The following EDARADD variants were observed in gnomAD, a reference collection of about 807,000 sequenced individuals.
EDARADD encodes the protein EDAR associated via death domain.
EDARADD carries 20 observed loss-of-function variants against 25.6 expected under a neutral mutation model. The ratio of observed to expected loss-of-function variants is 0.78; its 90% confidence interval spans 0.55 to 1.14. The LOEUF (loss-of-function observed/expected upper bound fraction) is 1.14. Ranked by LOEUF, EDARADD falls within the 50% of genes most tolerant of loss-of-function variation. The pLI is 0.00. For missense variants in EDARADD, 225 were observed against 270.1 expected (o/e 0.83, Z 1.17); for synonymous variants, 86 against 94.4 (o/e 0.91, Z 0.52).
intron 4 of EDARADD, among the ~76,000 whole-genome samples, chr1:236,442,880 C>T (rs569985934): frequency 6.6e-6 from 1 of 152,136 alleles, no homozygotes; most frequent in South Asian, 2.1e-4. Flanking sequence ...GTTTGTCCTC[C>T]CCAAAACTCA....
chr1:236,427,031 G>A (rs111392240), intron 3 of EDARADD, among the ~76,000 whole-genome samples: 2,031 of 152,224 alleles, frequency 0.013, 60 homozygotes, highest in East Asian at 0.12. Flanking sequence ...ACAGGCATGC[G>A]CTACCACTCT....
At chr1:236,397,291 T>A (rs1242175289) in intron 1 of EDARADD, among the ~76,000 whole-genome samples, 3 of 151,916 alleles carry the variant, frequency 2.0e-5, no homozygotes, top group African/African-American at 7.3e-5. Context: ...ATACCTATAG[T>A]CCCAGCTACT....
intron 5 of EDARADD, among the ~76,000 whole-genome samples, chr1:236,469,649 T>C (rs903784181): frequency 6.6e-6 from 1 of 152,096 alleles, no homozygotes; most frequent in Non-Finnish European, 1.5e-5. Flanking sequence ...TCAGCCCAGG[T>C]AACCAAGCTG....
chr1:236,438,304 A>G (rs1304995416), intron 4 of EDARADD, among the ~76,000 whole-genome samples: 1 of 152,242 alleles, frequency 6.6e-6, no homozygotes. Context: ...ACACAGGTCA[A>G]TCCACAACAA....
intron 3 of EDARADD, among the ~76,000 whole-genome samples, chr1:236,376,296 C>G (rs2102994824): frequency 6.6e-6 from 1 of 152,250 alleles, no homozygotes; most frequent in South Asian, 2.1e-4. Flanking sequence ...TGACCTATGT[C>G]ATTTTCTTTT....
chr1:236,445,234 C>CTTGTTTTTTTTTTTTTTTT (rs1658500873), intron 4 of EDARADD, among the ~76,000 whole-genome samples: 1 of 89,698 alleles, frequency 1.1e-5, no homozygotes, highest in African/African-American at 3.5e-5. Flanking sequence ...ATAATAAATT[C>CTTGTTTTTTTTTTTTTTTT]TTTTTTTTTT....
chr1:236,385,089 C>CTTTTTTTTTTTTTTTTTTT (rs34509027), intron 3 of EDARADD, among the ~76,000 whole-genome samples: 38 of 121,982 alleles, frequency 3.1e-4, no homozygotes, highest in African/African-American at 1.1e-3. Context: ...CCTTTTGATT[C>CTTTTTTTTTTTTTTTTTTT]TTTTTTTTTT....
At chr1:236,456,632 G>A (rs375539852) in intron 4 of EDARADD, among the ~76,000 whole-genome samples, 17 of 152,046 alleles carry the variant, frequency 1.1e-4, no homozygotes, top group Admixed American at 2.0e-4. Context: ...GAATGGCCAC[G>A]CCTCAGATCA....
chr1:236,384,434 G>C (rs553336278), intron 3 of EDARADD, among the ~76,000 whole-genome samples: 1 of 152,120 alleles, frequency 6.6e-6, no homozygotes, highest in Non-Finnish European at 1.5e-5. Flanking sequence ...ATGGGGTCTT[G>C]CTCTGGAGTG....
rs548412628 is a variant in EDARADD at position 236,483,336 on chromosome 1, A to G, written c.*687A>G. The G allele has an allele frequency of 2.5e-6, 4 of 1,589,390 alleles. No individual in the cohort carries two copies. The highest frequency in any genetic ancestry group is 1.1e-5 in the South Asian group (1 of 90,586). On this transcript the variant is annotated 3_prime_UTR_variant, in exon 6 of 6. Transcript: ENST00000334232. ...CCAGGACAATGATAAGACTCGCTATATGGGGAAGGGTGTCTCAAAGCCTGT... is the reference window on the plus strand; with the variant it reads ...CCAGGACAATGATAAGACTCGCTATGTGGGGAAGGGTGTCTCAAAGCCTGT...
At chr1:236,377,815 G>A (rs887324680) in intron 3 of EDARADD, among the ~76,000 whole-genome samples, 3 of 151,768 alleles carry the variant, frequency 2.0e-5, no homozygotes, top group South Asian at 4.2e-4. Context: ...CCAAGATCGT[G>A]CCACTGCACT....
At chr1:236,413,180 T>G (rs1384616486) in intron 2 of EDARADD, among the ~76,000 whole-genome samples, 1 of 152,182 alleles carries the variant, frequency 6.6e-6, no homozygotes, top group African/African-American at 2.4e-5. Flanking sequence ...TGAAACAGAG[T>G]GATAAATGTT....
intron 4 of EDARADD, among the ~76,000 whole-genome samples, chr1:236,432,873 A>G (rs563184030): frequency 1.3e-5 from 2 of 151,910 alleles, no homozygotes; most frequent in African/African-American, 4.8e-5. Context: ...CTGTGGCTGC[A>G]GTGAGCTGTG....
intron 1 of EDARADD, among the ~76,000 whole-genome samples, chr1:236,396,848 C>G (rs1667523441): frequency 6.6e-6 from 1 of 151,826 alleles, no homozygotes; most frequent in African/African-American, 2.4e-5. Context: ...TGCCCCATCC[C>G]ACTCCACTCC....
At chr1:236,467,613 T>C (rs554132852) in intron 4 of EDARADD, among the ~76,000 whole-genome samples, 1 of 152,240 alleles carries the variant, frequency 6.6e-6, no homozygotes, top group Non-Finnish European at 1.5e-5. Flanking sequence ...TGCTTTGCGA[T>C]ATATACTGAA....
chr1:236,413,578 C>G (rs905410079), intron 2 of EDARADD, among the ~76,000 whole-genome samples: 2 of 152,114 alleles, frequency 1.3e-5, no homozygotes, highest in African/African-American at 4.8e-5. Context: ...CTCTCATGGA[C>G]GTTTTCAGAA....
At chr1:236,481,649 C>T (rs948307690) in intron 5 of EDARADD, among the ~76,000 whole-genome samples, 10 of 150,526 alleles carry the variant, frequency 6.6e-5, no homozygotes, top group Non-Finnish European at 1.5e-4. Flanking sequence ...TTTGGTGGTA[C>T]GTGCCTGTAG....
At chr1:236,402,428 C>T (rs969354320) in intron 1 of EDARADD, among the ~76,000 whole-genome samples, 1 of 152,078 alleles carries the variant, frequency 6.6e-6, no homozygotes, top group Non-Finnish European at 1.5e-5. Context: ...GATGTGACAG[C>T]ACATGTCTTT....
At chr1:236,360,288 C>G (rs1301435089) in intron 3 of EDARADD, among the ~76,000 whole-genome samples, 2 of 151,860 alleles carry the variant, frequency 1.3e-5, no homozygotes, top group Admixed American at 1.3e-4. Context: ...CCATTGCACT[C>G]CAGCCTGGAC....
Sources: gnomAD v4.1 joint callset for allele counts (sites outside exome capture counted in the v4.1 genomes callset) on GRCh38, gnomAD v4.1.1 for gene constraint, MANE v1.5 for transcripts, NCBI Gene and HGNC (gene_info 2026-07-23, HGNC 2026-07-21) for gene names.